ZNF595: variants seen among roughly 807,000 people sequenced by gnomAD.
The protein encoded by ZNF595 is zinc finger protein 595.
Under a neutral mutation model 19.4 loss-of-function variants are expected in ZNF595, and 9 were observed. That is an observed-to-expected ratio of 0.46 (90% CI 0.28 to 0.81). The LOEUF (loss-of-function observed/expected upper bound fraction) is 0.81. Among genes scored for constraint, ZNF595 ranks in the 30% least tolerant of loss-of-function variants. The pLI is 0.11. For missense variants in ZNF595, 729 were observed against 736.0 expected (o/e 0.99, Z 0.11); for synonymous variants, 255 against 255.9 (o/e 1.00, Z 0.03).
chr4:74,397 G>A (rs1434558977), intron 3 of ZNF595, among the ~76,000 whole-genome samples: 1 of 152,170 alleles, frequency 6.6e-6, no homozygotes, highest in African/African-American at 2.4e-5. Flanking sequence ...ATGATGTGTT[G>A]TATTAAGTAG....
intron 3 of ZNF595, among the ~76,000 whole-genome samples, chr4:85,352 A>C (rs1553800851): frequency 6.6e-6 from 1 of 152,222 alleles, no homozygotes; most frequent in African/African-American, 2.4e-5. Flanking sequence ...GAAAGCCAGA[A>C]GTAAGGATAT....
intron 3 of ZNF595, among the ~76,000 whole-genome samples, chr4:75,030 G>C (rs1468080495): frequency 2.0e-5 from 3 of 151,460 alleles, no homozygotes; most frequent in African/African-American, 4.9e-5. Flanking sequence ...TTTCATGACA[G>C]ATTTTTTTTT....
Position 65,969 on chromosome 4 carries a change from G to C in ZNF595, c.226+5816G>C, listed in dbSNP as rs1713077158. On this transcript the variant is annotated intron_variant, in intron 3 of 3. Coordinates refer to ENST00000610261, the MANE Select transcript of ZNF595 (RefSeq NM_182524.4). The stretch of plus-strand genomic sequence containing the variant: ...CACTGCAAGAATAAACTAATACAGT[G>C]AATATGGATGTGCAAATACTTCTTT... Among the ~76,000 whole-genome samples the C allele has an allele frequency of 4.1e-5, 4 of 98,000 alleles. No individual in the cohort carries two copies. In the South Asian group the frequency reaches 1.8e-3, roughly 43 times the overall value. The allele number at this position is 98,000 out of a possible 152,430, so 64.3% of individuals were successfully genotyped here.
At chr4:76,266 C>T (rs1713655932) in intron 3 of ZNF595, among the ~76,000 whole-genome samples, 1 of 152,044 alleles carries the variant, frequency 6.6e-6, no homozygotes, top group Non-Finnish European at 1.5e-5. Context: ...CACGGTCCTG[C>T]TATATTGAGC....
intron 3 of ZNF595, among the ~76,000 whole-genome samples, chr4:79,024 A>G (rs576822150): frequency 6.6e-6 from 1 of 152,346 alleles, no homozygotes; most frequent in East Asian, 1.9e-4. Context: ...CAGTGGTGTT[A>G]AGTACATTTA....
At position 76,973 on chromosome 4, in the gene ZNF595, CTGAA is replaced by C. The variant is rs1361172993; in HGVS notation, c.227-8755_227-8752del. Among the ~76,000 whole-genome samples, 11 of 152,258 alleles carry C rather than the reference CTGAA, an allele frequency of 7.2e-5. No individual in the cohort carries two copies. The East Asian group carries it at 7.7e-4, about 11-fold the overall frequency. ...TATAGACATTTTAAGCTTCATAAAA[CTGAA>C]TGTCTGTATTCCTTCTAAGATTGAG... On this transcript the variant is annotated intron_variant, in intron 3 of 3. Transcript: ENST00000610261.
Position 86,528 on chromosome 4 carries a change from T to C in ZNF595, c.1024T>C (p.Cys342Arg). The C allele has an allele frequency of 6.2e-7, 1 of 1,613,498 alleles. No individual in the cohort carries two copies. The highest frequency in any genetic ancestry group is 8.5e-7 in the Non-Finnish European group (1 of 1,179,580). ...TCATACTGGCGAAAAACCCTACACA[T>C]GTGAAAAATGTGGCAAAGCTTTTAA... ...NIHTGEKPYT[C>R]EKCGKAFNQS... The change falls in exon 4 of 4, where the codon TGT (cysteine) becomes CGT (arginine). Residue 342 changes from cysteine to arginine, a missense_variant. Physicochemically the swap from Cys to Arg is radical, Grantham distance 180 (BLOSUM62 -3). Transcript: ENST00000610261.
chr4:84,288 CTT>C (rs1553800663), intron 3 of ZNF595, among the ~76,000 whole-genome samples: 2 of 152,082 alleles, frequency 1.3e-5, no homozygotes, highest in Non-Finnish European at 2.9e-5. Context: ...ATGTTCATGT[CTT>C]TCCCAAAAAG....
intron 3 of ZNF595, among the ~76,000 whole-genome samples, chr4:73,221 C>T (rs1235262463): frequency 6.6e-6 from 1 of 151,380 alleles, no homozygotes; most frequent in African/African-American, 2.4e-5. Context: ...GGCTATTTGT[C>T]ATACGGAGGA....
intron 3 of ZNF595, among the ~76,000 whole-genome samples, chr4:63,120 C>T (rs1712915000): frequency 7.6e-6 from 1 of 131,782 alleles, no homozygotes; most frequent in Non-Finnish European, 1.6e-5. Context: ...ATTAGTTGAC[C>T]TTGTATGCAT....
intron 3 of ZNF595, among the ~76,000 whole-genome samples, chr4:66,712 G>C (rs1186817490): frequency 2.0e-5 from 3 of 152,158 alleles, no homozygotes; most frequent in Non-Finnish European, 4.4e-5. Flanking sequence ...TTCTCTTATT[G>C]TGTGGTTATA....
Position 86,380 on chromosome 4 carries a change from C to G in ZNF595, c.876C>G (p.Ala292=). The change falls in exon 4 of 4, where the codon GCC becomes GCG. Residue 292 remains alanine, a synonymous_variant. Coordinates refer to ENST00000610261, the MANE Select transcript of ZNF595 (RefSeq NM_182524.4). ...KPYKCKECGK[A]FRWSTSLNEH... is the part of the protein sequence containing the mutation. ...ACAAATGTAAAGAATGTGGCAAAGCCTTTAGATGGTCCACAAGCCTGAATG... is the reference window on the plus strand; with the variant it reads ...ACAAATGTAAAGAATGTGGCAAAGCGTTTAGATGGTCCACAAGCCTGAATG... The G allele has an allele frequency of 6.2e-7, 1 of 1,611,784 alleles. No individual in the cohort carries two copies. Among genetic ancestry groups the G allele is most frequent in the Non-Finnish European group, 8.5e-7 (1 of 1,179,168 alleles).
Position 87,620 on chromosome 4 carries a change from A to G in ZNF595, c.*169A>G. The G allele has an allele frequency of 3.8e-6, 2 of 531,040 alleles. No individual in the cohort carries two copies. Among genetic ancestry groups the G allele is most frequent in the South Asian group, 4.5e-5 (1 of 22,406 alleles). 32.9% of individuals were successfully genotyped at this position (531,040 alleles called of 1,614,324 possible). Reference sequence around the variant, plus strand: ...TGGCTTATTTGGATTATTTTGATACAGGCATATGACATGTAATTATCACAT... The same window carrying G: ...TGGCTTATTTGGATTATTTTGATACGGGCATATGACATGTAATTATCACAT... On this transcript the variant is annotated 3_prime_UTR_variant, in exon 4 of 4. Coordinates refer to ENST00000610261, the MANE Select transcript of ZNF595 (RefSeq NM_182524.4).
chr4:75,153 T>C (rs1383499719), intron 3 of ZNF595, among the ~76,000 whole-genome samples: 1 of 152,244 alleles, frequency 6.6e-6, no homozygotes, highest in African/African-American at 2.4e-5. Context: ...TCCTTAACTC[T>C]AAGTCTCTTG....
intron 1 of ZNF595, among the ~76,000 whole-genome samples, chr4:58,412 CTAT>C (rs1408689512): frequency 0.038 from 679 of 17,944 alleles, no homozygotes; most frequent in Middle Eastern, 0.061. Context: ...CTACATTGAG[CTAT>C]TATTCTATAT....
Position 86,399 on chromosome 4 carries a change from C to G in ZNF595, c.895C>G (p.Leu299Val). The change falls in exon 4 of 4, where the codon CTG becomes GTG. Residue 299 changes from leucine to valine, a missense_variant. Leu to Val is a conservative substitution (Grantham distance 32). Around this residue, in one of 2 missense-constraint regions of ZNF595, gnomAD observed 729 missense variants for 675.3 expected, o/e 1.08. Transcript: ENST00000610261. ...CGKAFRWSTS[L>V]NEHKNIHTGE... is the part of the protein sequence containing the mutation. Reference sequence around the variant, plus strand: ...CAAAGCCTTTAGATGGTCCACAAGCCTGAATGAACATAAGAATATTCATAC... The same window carrying G: ...CAAAGCCTTTAGATGGTCCACAAGCGTGAATGAACATAAGAATATTCATAC... 1 of 1,613,452 alleles carries G rather than the reference C, an allele frequency of 6.2e-7. No individual in the cohort carries two copies. Among genetic ancestry groups the G allele is most frequent in the Non-Finnish European group, 8.5e-7 (1 of 1,179,614 alleles).
rs199795535 is a variant in ZNF595, at chr4:86,102, T to G, written c.598T>G (p.Tyr200Asp). The G allele has an allele frequency of 1.4e-4, 220 of 1,613,626 alleles. 1 individual carries two copies. The African/African-American group carries it at 2.6e-3, about 19-fold the overall frequency. The change falls in exon 4 of 4, where the codon TAC becomes GAC. Residue 200 changes from tyrosine to aspartate, a missense_variant. Tyr to Asp is a radical substitution (Grantham distance 160). Coordinates refer to ENST00000610261, the MANE Select transcript of ZNF595 (RefSeq NM_182524.4). The stretch of plus-strand genomic sequence containing the variant: ...AGGAATTCATGCTGGAGAGAAACCC[T>G]ACAAATGTGAAAAATGTGGCAAAGC... ...HTGIHAGEKP[Y>D]KCEKCGKAFN...
In ZNF595 at chr4:84,953, C is replaced by G. The variant is rs540688332; in HGVS notation, c.227-778C>G. Among the ~76,000 whole-genome samples, 111 of 152,060 alleles carry G rather than the reference C, an allele frequency of 7.3e-4. 1 individual carries two copies. Among genetic ancestry groups the G allele is most frequent in the Admixed American group, 2.8e-3 (42 of 15,254 alleles). ...AATTTTTTAATTGGGCCATGTTGCC[C>G]TAATATTTTGTATATATTGTAACAT... is the stretch of plus-strand genomic sequence containing the variant. On this transcript the variant is annotated intron_variant, in intron 3 of 3. Transcript: ENST00000610261.
rs570163824 is a variant in ZNF595 at position 80,183 on chromosome 4, C to T, written c.227-5548C>T. On this transcript the variant is annotated intron_variant, in intron 3 of 3. Coordinates refer to ENST00000610261, the MANE Select transcript of ZNF595 (RefSeq NM_182524.4). ...GATTATAGGCATGCACCACCATGCC[C>T]GGCTAATTTTGTATTTTTAGTAGAG... is the stretch of plus-strand genomic sequence containing the variant. Among the ~76,000 whole-genome samples the T allele has an allele frequency of 2.4e-3, 371 of 152,228 alleles. 2 individuals are homozygous for T. Among genetic ancestry groups the T allele is most frequent in the African/African-American group, 7.9e-3 (328 of 41,550 alleles).
Sources: allele counts gnomAD v4.1 joint callset (sites outside exome capture counted in the v4.1 genomes callset), GRCh38; gene constraint gnomAD v4.1.1; regional missense constraint gnomAD v4.1.1; transcripts MANE v1.5; gene names NCBI Gene and HGNC (gene_info 2026-07-23, HGNC 2026-07-21).